TSPAN33: variants seen among roughly 807,000 people sequenced by gnomAD.
TSPAN33 encodes the protein tetraspanin 33.
A neutral mutation model predicts 34.8 loss-of-function variants in TSPAN33; 27 were observed. The observed-to-expected ratio is 0.78, with a 90% CI of 0.57 to 1.07. The LOEUF is 1.07. Among genes scored for constraint, TSPAN33 ranks in the 50% least tolerant of loss-of-function variants. TSPAN33 has a pLI of 0.00. For missense variants in TSPAN33, 272 were observed against 324.9 expected, an observed-to-expected ratio of 0.84 and a Z score of 1.25; for synonymous variants, 119 against 124.2, an observed-to-expected ratio of 0.96 and a Z score of 0.28.
intron 4 of TSPAN33, 152 bp downstream of exon 4, chr7:129,163,059 G>A (rs1183940823): frequency 1.5e-6 from 1 of 654,642 alleles, no homozygotes; most frequent in Non-Finnish European, 2.6e-6. Context: ...TGAATAGCCT[G>A]TAAACTCATC....
intron 1 of TSPAN33, among the ~76,000 whole-genome samples, chr7:129,151,642 T>C (rs1307943191): frequency 1.3e-5 from 2 of 152,098 alleles, no homozygotes; most frequent in Non-Finnish European, 2.9e-5. Context: ...GACTATTTTT[T>C]CCCAATTTGC....
Position 129,169,066 on chromosome 7 carries a change from C to A in TSPAN33, c.*1192C>A, listed in dbSNP as rs1489162311. The stretch of plus-strand genomic sequence containing the variant: ...ATCTAGGAACAGCATAATTTTGTTC[C>A]AAAACCTGATCTGTGTTTTTCTAAT... On this transcript the variant is annotated 3_prime_UTR_variant, in exon 8 of 8. Transcript: ENST00000486685. Among the ~76,000 whole-genome samples the A allele has an allele frequency of 6.6e-6, 1 of 152,158 alleles. No individual in the cohort carries two copies. Among genetic ancestry groups the A allele is most frequent in the Non-Finnish European group, 1.5e-5 (1 of 68,028 alleles).
At chr7:129,153,981 T>G (rs1810635502) in intron 1 of TSPAN33, among the ~76,000 whole-genome samples, 1 of 151,996 alleles carries the variant, frequency 6.6e-6, no homozygotes, top group Non-Finnish European at 1.5e-5. Flanking sequence ...AAATCTATAA[T>G]GTACACCAAC....
intron 1 of TSPAN33, among the ~76,000 whole-genome samples, chr7:129,150,013 G>A (rs1810571981): frequency 1.3e-5 from 2 of 152,228 alleles, no homozygotes; most frequent in South Asian, 4.1e-4. Context: ...AACCAGAGGT[G>A]GAGACCACTG....
At chr7:129,163,895 C>A (rs1409777627) in intron 4 of TSPAN33, among the ~76,000 whole-genome samples, 1 of 151,892 alleles carries the variant, frequency 6.6e-6, no homozygotes, top group Admixed American at 6.6e-5. Context: ...AAGCTGAGAT[C>A]GCGCCACTAC....
At chr7:129,158,457 GT>G (rs1792994484) in intron 1 of TSPAN33, among the ~76,000 whole-genome samples, 1 of 152,170 alleles carries the variant, frequency 6.6e-6, no homozygotes, top group Non-Finnish European at 1.5e-5. Context: ...GTGCAGGTTT[GT>G]TATATAGGTA....
Position 129,165,576 on chromosome 7 carries a change from C to T in TSPAN33, c.459+1007C>T, listed in dbSNP as rs1793125743. Among the ~76,000 whole-genome samples, 1 of 152,164 alleles carries T rather than the reference C, an allele frequency of 6.6e-6. No homozygotes were observed. The highest frequency in any genetic ancestry group is 1.5e-5 in the Non-Finnish European group (1 of 68,038). On this transcript the variant is annotated intron_variant, in intron 5 of 7. Transcript: ENST00000486685. The surrounding 1 kb of genome is among the most constrained non-coding windows in gnomAD (Gnocchi z 4.5). ...CACCAGTGGAGAAAAGGGTTGCTTCCACCGTTCGGCTACTGTGAACAAGGC... is the reference window on the plus strand; with the variant it reads ...CACCAGTGGAGAAAAGGGTTGCTTCTACCGTTCGGCTACTGTGAACAAGGC...
Position 129,166,803 on chromosome 7 carries a change from A to C in TSPAN33, c.485A>C (p.Tyr162Ser), listed in dbSNP as rs1793147674. The change falls in exon 6 of 8, where the codon TAC becomes TCC. Residue 162 changes from tyrosine (Y) to serine (S), a missense_variant. Transcript: ENST00000486685. ...TTTAGCTGCTGTGGAGGGATTTCCT[A>C]CAAGGACTGGTCTCAGAACATGTAT... is the stretch of plus-strand genomic sequence containing the variant. ...KKFSCCGGIS[Y>S]KDWSQNMYFN... 1 of 1,614,020 alleles carries C rather than the reference A, an allele frequency of 6.2e-7. No homozygotes were observed. Among genetic ancestry groups the C allele is most frequent in the Non-Finnish European group, 8.5e-7 (1 of 1,180,020 alleles).
Position 129,146,290 on chromosome 7 carries a change from T to C in TSPAN33, c.102+1208T>C, listed in dbSNP as rs553390705. ...GGCCTGTTGGGACAAATGAGAGAAATCCCATAGGGTGGTGATGACAGCGCA... is the reference window on the plus strand; with the variant it reads ...GGCCTGTTGGGACAAATGAGAGAAACCCCATAGGGTGGTGATGACAGCGCA... On this transcript the variant is annotated intron_variant, in intron 1 of 7. Transcript: ENST00000486685. Among the ~76,000 whole-genome samples the C allele has an allele frequency of 3.0e-4, 46 of 152,054 alleles. No individual in the cohort carries two copies. The East Asian group carries it at 8.5e-3, about 28-fold the overall frequency.
At chr7:129,145,911 G>A (rs918285141) in intron 1 of TSPAN33, among the ~76,000 whole-genome samples, 1 of 151,972 alleles carries the variant, frequency 6.6e-6, no homozygotes, top group African/African-American at 2.4e-5. Flanking sequence ...TGTGATCAGG[G>A]GTGGCAGAAA....
chr7:129,146,867 T>C (rs892635416), intron 1 of TSPAN33, among the ~76,000 whole-genome samples: 7 of 152,148 alleles, frequency 4.6e-5, no homozygotes, highest in African/African-American at 1.7e-4. Context: ...CTTGGAGCCA[T>C]TGGTACCTCA....
At chr7:129,146,534 C>G (rs1810522729) in intron 1 of TSPAN33, among the ~76,000 whole-genome samples, 1 of 152,136 alleles carries the variant, frequency 6.6e-6, no homozygotes, top group African/African-American at 2.4e-5. Context: ...ACCACAGTGC[C>G]GCTGGGGGAA....
At chr7:129,152,139 G>T (rs1810604233) in intron 1 of TSPAN33, among the ~76,000 whole-genome samples, 1 of 152,198 alleles carries the variant, frequency 6.6e-6, no homozygotes, top group African/African-American at 2.4e-5. Flanking sequence ...GGCTAGTGGG[G>T]AAGTAAAAAG....
chr7:129,167,915 C>G lies in TSPAN33; in HGVS notation c.*41C>G. 6.2e-7 allele frequency: 1 copy of G among 1,606,564 alleles called. No homozygotes were observed. Among genetic ancestry groups the G allele is most frequent in the African/African-American group, 1.3e-5 (1 of 74,800 alleles). On this transcript the variant is annotated 3_prime_UTR_variant, in exon 8 of 8. Coordinates refer to ENST00000486685, the MANE Select transcript of TSPAN33 (RefSeq NM_178562.5). The surrounding 1 kb of genome is among the most constrained non-coding windows in gnomAD (Gnocchi z 4.6). ...CTCCTCACCATGGAAACTGGCAAGC[C>G]TCATAAACGAACAGCAGTGGGTGCT...
Position 129,164,525 on chromosome 7 carries a change from G to C in TSPAN33, c.415G>C (p.Asp139His), listed in dbSNP as rs150641480. 2.5e-4 allele frequency: 410 copies of C among 1,614,122 alleles called. 5 individuals are homozygous for C. The highest frequency in any genetic ancestry group is 2.2e-3 in the South Asian group (198 of 91,080). ...IINNAIVHYR[D>H]DLDLQNLIDF... ...CAACAATGCCATTGTGCACTACCGA[G>C]ATGACTTGGATCTGCAGAACCTCAT... The change falls in exon 5 of 8, where the codon GAT becomes CAT. Residue 139 changes from aspartate to histidine, a missense_variant. Asp to His is a moderately conservative substitution (Grantham distance 81, BLOSUM62 -1). Transcript: ENST00000486685.
chr7:129,165,420 G>C lies in TSPAN33; in HGVS notation c.459+851G>C, dbSNP rs1406116995. Among the ~76,000 whole-genome samples the C allele has an allele frequency of 6.6e-6, 1 of 152,160 alleles. No homozygotes were observed. Among genetic ancestry groups the C allele is most frequent in the Non-Finnish European group, 1.5e-5 (1 of 68,026 alleles). On this transcript the variant is annotated intron_variant, in intron 5 of 7. Transcript: ENST00000486685. The surrounding 1 kb of genome is among the most constrained non-coding windows in gnomAD (Gnocchi z 4.5). Reference sequence around the variant, plus strand: ...GGACTCACGGTATTAATGCTTTTTTGAGTGGGTTATTTCACTTAGCATGTC... The same window carrying C: ...GGACTCACGGTATTAATGCTTTTTTCAGTGGGTTATTTCACTTAGCATGTC...
intron 1 of TSPAN33, among the ~76,000 whole-genome samples, chr7:129,160,557 T>C (rs1396715385): frequency 7.9e-5 from 12 of 152,172 alleles, no homozygotes. Flanking sequence ...CTCTGATGGG[T>C]TTGTTCTCTC....
chr7:129,162,850 C>T lies in TSPAN33; in HGVS notation c.306C>T (p.Thr102=), dbSNP rs761207005. ...CLLQTFSLCL[T]AVFLLQLAAG... ...CTCCACAGTTCTCCCTCTGCCTCAC[C>T]GCTGTGTTCCTGCTGCAGCTGGCCG... Residue 102 remains threonine (T), a synonymous_variant, in exon 4 of 8, where the codon ACC becomes ACT. Transcript: ENST00000486685. 1.1e-5 allele frequency: 18 copies of T among 1,613,784 alleles called. No homozygotes were observed. The highest frequency in any genetic ancestry group is 1.6e-4 in the Middle Eastern group (1 of 6,084).
At chr7:129,157,758 C>T (rs1450170137) in intron 1 of TSPAN33, among the ~76,000 whole-genome samples, 7 of 152,184 alleles carry the variant, frequency 4.6e-5, no homozygotes, top group South Asian at 2.1e-4. Flanking sequence ...CAGCTATAAA[C>T]GCTCTTGTCC....
Sources: gnomAD v4.1 joint callset for allele counts (sites outside exome capture counted in the v4.1 genomes callset) on GRCh38, gnomAD v4.1.1 for gene constraint, Gnocchi (gnomAD v3.1) non-coding constraint, MANE v1.5 for transcripts, NCBI Gene and HGNC (gene_info 2026-07-23, HGNC 2026-07-21) for gene names.